RAB6A: variants seen among roughly 807,000 people sequenced by gnomAD.
The protein encoded by RAB6A is RAB6A, member RAS oncogene family.
Under a neutral mutation model 32.3 loss-of-function variants are expected in RAB6A, and 8 were observed. The observed-to-expected ratio is 0.25, with a 90% confidence interval of 0.15 to 0.45. The LOEUF (loss-of-function observed/expected upper bound fraction) is 0.45, where lower values mean the gene tolerates loss of function less well. Ranked by LOEUF, RAB6A falls within the 20% of genes least tolerant of loss-of-function variation. RAB6A has a pLI of 1.00. For missense variants in RAB6A, 104 were observed against 249.4 expected (o/e 0.42, Z 3.93); for synonymous variants, 73 against 82.1 (o/e 0.89, Z 0.60).
At chr11:73,758,935 T>C (rs1308918378) in intron 1 of RAB6A, among the ~76,000 whole-genome samples, 2 of 152,106 alleles carry the variant, frequency 1.3e-5, no homozygotes, top group African/African-American at 4.8e-5. Flanking sequence ...TTCAGGAAAA[T>C]ATATAAGCAA....
intron 1 of RAB6A, among the ~76,000 whole-genome samples, chr11:73,758,778 C>T (rs1287988192): frequency 1.3e-5 from 2 of 152,114 alleles, no homozygotes; most frequent in African/African-American, 2.4e-5. Context: ...GCACAATAAG[C>T]ACTTTGGATC....
intron 5 of RAB6A, among the ~76,000 whole-genome samples, chr11:73,712,061 C>T (rs1269251094): frequency 2.0e-5 from 3 of 152,024 alleles, no homozygotes; most frequent in Non-Finnish European, 1.5e-5. Context: ...TTGCCATTTG[C>T]TTTGTTTATA....
chr11:73,697,676 A>G (rs1244857492), intron 6 of RAB6A, among the ~76,000 whole-genome samples: 1 of 152,126 alleles, frequency 6.6e-6, no homozygotes, highest in Non-Finnish European at 1.5e-5. Flanking sequence ...TAGAATCTAT[A>G]ACCTCCTTAA....
intron 6 of RAB6A, among the ~76,000 whole-genome samples, chr11:73,687,404 A>C (rs1401885122): frequency 5.9e-5 from 9 of 152,210 alleles, no homozygotes; most frequent in Admixed American, 5.9e-4. Flanking sequence ...TCTTAGGCAC[A>C]AACTCTTGGG....
chr11:73,758,182 G>A (rs1303046739), intron 1 of RAB6A, among the ~76,000 whole-genome samples: 2 of 152,142 alleles, frequency 1.3e-5, no homozygotes, highest in African/African-American at 2.4e-5. Context: ...TGAAAACAGA[G>A]ATCAATCTTT....
At chr11:73,678,741 G>C (rs1204013207) in intron 7 of RAB6A, among the ~76,000 whole-genome samples, 1 of 150,778 alleles carries the variant, frequency 6.6e-6, no homozygotes, top group Non-Finnish European at 1.5e-5. Flanking sequence ...TTTTTTGGGG[G>C]GGGAATGGAG....
At chr11:73,707,125 G>A (rs200895527) in intron 6 of RAB6A, among the ~76,000 whole-genome samples, 3,872 of 114,022 alleles carry the variant, frequency 0.034, no homozygotes, top group African/African-American at 0.046. Context: ...TCTCAAAAAA[G>A]AAAAAAAAAA....
chr11:73,713,717 T>C (rs1465216383), intron 5 of RAB6A, among the ~76,000 whole-genome samples: 1 of 152,174 alleles, frequency 6.6e-6, no homozygotes, highest in Non-Finnish European at 1.5e-5. Context: ...AAGCCCAAAA[T>C]ATAAAGATGC....
chr11:73,742,734 C>A (rs1158835320), intron 1 of RAB6A, among the ~76,000 whole-genome samples: 2 of 151,876 alleles, frequency 1.3e-5, no homozygotes, highest in East Asian at 3.9e-4. Context: ...CGCTTGAACT[C>A]GGGAGATGGA....
At chr11:73,716,198 A>G in intron 5 of RAB6A, 53 bp downstream of exon 5, 1 of 1,342,170 alleles carries the variant, frequency 7.5e-7, no homozygotes, top group Non-Finnish European at 1.0e-6. Context: ...AACAAAAATA[A>G]AAGGCTGCAT....
intron 6 of RAB6A, among the ~76,000 whole-genome samples, chr11:73,696,304 TCTC>T (rs1945655119): frequency 6.6e-6 from 1 of 151,980 alleles, no homozygotes; most frequent in African/African-American, 2.4e-5. Flanking sequence ...TTCAGGCAAT[TCTC>T]CTGCCTCGAC....
In RAB6A at chr11:73,727,670, T is replaced by C. The variant is rs76263397; in HGVS notation, c.129+3095A>G. ...CCATGTTTTTGTTTTTCAGGAAGAT[T>C]CAATTCAGAAGCCATATTCCTGAAA... On this transcript the variant is annotated intron_variant, in intron 2 of 7. Coordinates refer to ENST00000336083, the MANE Select transcript of RAB6A (RefSeq NM_198896.2). Among the ~76,000 whole-genome samples, 811 of 152,314 alleles carry C rather than the reference T, an allele frequency of 5.3e-3. 7 individuals are homozygous for C. The highest frequency in any genetic ancestry group is 0.018 in the African/African-American group (739 of 41,568).
chr11:73,704,466 C>T (rs1945799932), intron 6 of RAB6A, among the ~76,000 whole-genome samples: 1 of 151,806 alleles, frequency 6.6e-6, no homozygotes, highest in African/African-American at 2.4e-5. Context: ...AGGCAGATCA[C>T]GAGGTCAGGA....
chr11:73,675,835 G>C lies in RAB6A; in HGVS notation c.*2063C>G, dbSNP rs1945263384. 1 of 167,032 alleles carries C rather than the reference G, an allele frequency of 6.0e-6. No individual in the cohort carries two copies. The highest frequency in any genetic ancestry group is 2.4e-5 in the African/African-American group (1 of 41,452). The allele number at this position is 167,032 out of a possible 1,614,324, so 10.3% of individuals were successfully genotyped here. A position where few individuals can be genotyped will look rare whatever the true frequency, so the allele number is the denominator to read the frequency against. Reference sequence around the variant, plus strand: ...AGAATCAAATGCAACAGTGTAGGAAGACAATCACACCCATGTCAGAAGTCA... The same window carrying C: ...AGAATCAAATGCAACAGTGTAGGAACACAATCACACCCATGTCAGAAGTCA... On this transcript the variant is annotated 3_prime_UTR_variant, in exon 8 of 8. Coordinates refer to ENST00000336083, the MANE Select transcript of RAB6A (RefSeq NM_198896.2).
At chr11:73,716,409 C>CCACCACCTGGGGAGGCATTT in intron 4 of RAB6A, 47 bp from the exon 5 acceptor site, 1 of 1,456,284 alleles carries the variant, frequency 6.9e-7, no homozygotes, top group Non-Finnish European at 9.6e-7. Context: ...TGAAAAATGC[C>CCACCACCTGGGGAGGCATTT]TCCCCAGGTG....
chr11:73,693,109 G>A (rs1363585322), intron 6 of RAB6A, among the ~76,000 whole-genome samples: 4 of 151,864 alleles, frequency 2.6e-5, no homozygotes, highest in Non-Finnish European at 5.9e-5. Context: ...CCAACATGGT[G>A]AAACTCCGTC....
At chr11:73,743,604 G>A (rs1456698583) in intron 1 of RAB6A, among the ~76,000 whole-genome samples, 3 of 151,786 alleles carry the variant, frequency 2.0e-5, no homozygotes, top group African/African-American at 4.8e-5. Context: ...GCAATATGGC[G>A]AGATCCTGTC....
chr11:73,714,736 G>T (rs1233206134), intron 5 of RAB6A, among the ~76,000 whole-genome samples: 2 of 152,024 alleles, frequency 1.3e-5, no homozygotes, highest in Non-Finnish European at 2.9e-5. Context: ...GGGAGGCTGA[G>T]GCGGGTGGAT....
chr11:73,726,304 C>T (rs183305585), intron 2 of RAB6A, among the ~76,000 whole-genome samples: 8,673 of 147,964 alleles, frequency 0.059, 352 homozygotes, highest in East Asian at 0.17. Flanking sequence ...AAAAAAAGCC[C>T]AGGCACAGTG....
Sources: gnomAD v4.1 joint callset for allele counts (sites outside exome capture counted in the v4.1 genomes callset) on GRCh38, gnomAD v4.1.1 for gene constraint, MANE v1.5 for transcripts, NCBI Gene and HGNC (gene_info 2026-07-23, HGNC 2026-07-21) for gene names.